Variants in CAPN8 observed in about 807,000 individuals in gnomAD.
CAPN8 encodes the protein calpain 8.
A neutral mutation model predicts 80.9 loss-of-function variants in CAPN8; 87 were observed. That is an observed-to-expected ratio of 1.07 (90% CI 0.90 to 1.28). CAPN8 has a LOEUF of 1.28. CAPN8 is among the 50% of genes most tolerant of loss of function. The pLI, the probability that CAPN8 is intolerant of heterozygous loss-of-function variation, is 0.00. For missense variants in CAPN8, 757 were observed against 702.0 expected, an observed-to-expected ratio of 1.08 and a Z score of -0.89; for synonymous variants, 299 against 273.8, an observed-to-expected ratio of 1.09 and a Z score of -0.91.
chr1:223,638,507 C>T (rs561650552), intron 2 of CAPN8, among the ~76,000 whole-genome samples: 279 of 152,256 alleles, frequency 1.8e-3, no homozygotes, highest in African/African-American at 6.4e-3. Context: ...AATGTTCCCC[C>T]GTGGGTAAGC....
At chr1:223,616,588 G>C (rs189594861) in intron 9 of CAPN8, among the ~76,000 whole-genome samples, 39 of 152,336 alleles carry the variant, frequency 2.6e-4, no homozygotes, top group Admixed American at 1.4e-3. Context: ...CAGGACAGTA[G>C]AGGAGAAAGT....
intron 2 of CAPN8, among the ~76,000 whole-genome samples, chr1:223,645,534 G>A (rs1046602986): frequency 2.0e-5 from 3 of 152,200 alleles, no homozygotes; most frequent in Non-Finnish European, 4.4e-5. Flanking sequence ...GAGGAAATAC[G>A]AGCCTAAGCC....
intron 14 of CAPN8, 95 bp downstream of exon 14, chr1:223,553,737 T>G: frequency 2.5e-6 from 1 of 398,284 alleles, no homozygotes. Flanking sequence ...ACCCTTTTTA[T>G]GCCTAGAGAC....
chr1:223,552,675 A>G (rs1656824544), intron 14 of CAPN8, among the ~76,000 whole-genome samples: 1 of 151,470 alleles, frequency 6.6e-6, no homozygotes, highest in Non-Finnish European at 1.5e-5. Flanking sequence ...CTACATTTGG[A>G]CCTTGACCCC....
Position 223,665,597 on chromosome 1 carries a change from C to A in CAPN8, c.50G>T (p.Gly17Val), listed in dbSNP as rs1658766427. ...GVSRQRAATQGLGSNQNALKY... is the reference protein window; with the variant it reads ...GVSRQRAATQVLGSNQNALKY... ...CAAAGCGTTTTGGTTGGAGCCAAGA[C>A]CTTGAGTGGCTGCCCGCTGCCTAGA... The change falls in exon 1 of 21, where the codon GGT (glycine) becomes GTT (valine). Residue 17 changes from glycine (G) to valine (V), a missense_variant. By Grantham distance (109) the Gly-to-Val change is moderately radical. Transcript: ENST00000366872. 1 of 1,551,552 alleles carries A rather than the reference C, an allele frequency of 6.4e-7. No homozygotes were observed. The highest frequency in any genetic ancestry group is 2.0e-5 in the Admixed American group (1 of 50,982).
Position 223,544,756 on chromosome 1 carries a change from C to A in CAPN8, c.1912+16G>T. ...CACCTGGATCCCAAGACCCTGTCTA[C>A]AGGATGTGTCCTCACCTGCCTTCCT... On this transcript the variant is annotated intron_variant, in intron 18 of 20. Transcript: ENST00000366872. The A allele has an allele frequency of 6.4e-7, 1 of 1,551,646 alleles. No homozygotes were observed.
At chr1:223,630,806 C>T (rs1205347509) in intron 2 of CAPN8, among the ~76,000 whole-genome samples, 1 of 152,148 alleles carries the variant, frequency 6.6e-6, no homozygotes, top group East Asian at 1.9e-4. Context: ...GATGGGCTGG[C>T]ATGAGTTATG....
intron 11 of CAPN8, among the ~76,000 whole-genome samples, chr1:223,612,004 G>C (rs1391809199): frequency 3.9e-5 from 6 of 152,212 alleles, no homozygotes; most frequent in African/African-American, 1.4e-4. Context: ...ACCACCAGGG[G>C]CATGGGGAAA....
chr1:223,642,765 T>C (rs1238232652), intron 2 of CAPN8: 4 of 454,260 alleles, frequency 8.8e-6, no homozygotes, highest in Non-Finnish European at 8.8e-6. Flanking sequence ...AGAAACTTGT[T>C]CAGATTATTT....
chr1:223,613,497 C>T (rs1438123361), intron 10 of CAPN8, among the ~76,000 whole-genome samples: 5 of 152,212 alleles, frequency 3.3e-5, no homozygotes, highest in Non-Finnish European at 7.3e-5. Context: ...CCAAGAATCA[C>T]CCAGCAGAAA....
intron 9 of CAPN8, among the ~76,000 whole-genome samples, chr1:223,618,640 G>A (rs947930632): frequency 6.6e-6 from 1 of 152,248 alleles, no homozygotes; most frequent in African/African-American, 2.4e-5. Context: ...GGGAGGAAGG[G>A]GCAAAAGCCC....
At chr1:223,642,120 G>T (rs937748987) in intron 2 of CAPN8, among the ~76,000 whole-genome samples, 3 of 152,172 alleles carry the variant, frequency 2.0e-5, no homozygotes, top group Admixed American at 6.5e-5. Context: ...TCAATCCAGG[G>T]CATGACAGAT....
intron 6 of CAPN8, among the ~76,000 whole-genome samples, chr1:223,623,402 G>T (rs983258019): frequency 2.0e-5 from 3 of 152,186 alleles, no homozygotes; most frequent in Admixed American, 6.5e-5. Flanking sequence ...GAGACTTAAA[G>T]AAGTTACATT....
At chr1:223,622,525 CGTCAGGTAAA>C in intron 7 of CAPN8, 1 of 450,152 alleles carries the variant, frequency 2.2e-6, no homozygotes. Context: ...CAGCACGGTG[CGTCAGGTAAA>C]AAACACAAAA....
In CAPN8 at chr1:223,623,017, C is replaced by T; in HGVS notation, c.814-117G>A. On this transcript the variant is annotated intron_variant, in intron 6 of 20. Transcript: ENST00000366872. ...TTTCAAATGTCCCTAAAGGACCACA[C>T]TTTTATTTTCCTTTAATGCATCTTT... 4.0e-6 allele frequency: 3 copies of T among 749,336 alleles called. No homozygotes were observed. The South Asian group carries it at 5.5e-5, about 14-fold the overall frequency. 46.4% of individuals were successfully genotyped at this position (749,336 alleles called of 1,614,324 possible).
chr1:223,622,711 G>A (rs965800791), intron 7 of CAPN8, 104 bp downstream of exon 7: 15 of 858,398 alleles, frequency 1.7e-5, no homozygotes, highest in African/African-American at 1.2e-4. Flanking sequence ...CAGACAGGAC[G>A]TGCTGCTGAA....
intron 2 of CAPN8, chr1:223,629,027 T>A (rs538860163): frequency 2.0e-5 from 10 of 490,764 alleles, no homozygotes; most frequent in Non-Finnish European, 3.6e-5. Context: ...CACATGCTGA[T>A]CATTTCCCCA....
At chr1:223,612,116 G>T in intron 11 of CAPN8, 130 bp downstream of exon 11, 1 of 748,026 alleles carries the variant, frequency 1.3e-6, no homozygotes, top group Non-Finnish European at 1.8e-6. Flanking sequence ...TTTGATTCAT[G>T]ACTGGATCAT....
At chr1:223,613,646 G>T (rs750142608) in intron 10 of CAPN8, among the ~76,000 whole-genome samples, 4 of 152,358 alleles carry the variant, frequency 2.6e-5, no homozygotes, top group South Asian at 2.1e-4. Flanking sequence ...CAAATGACAG[G>T]CTGGCCTGGC....
Sources: allele counts gnomAD v4.1 joint callset (sites outside exome capture counted in the v4.1 genomes callset), GRCh38; gene constraint gnomAD v4.1.1; transcripts MANE v1.5; gene names NCBI Gene and HGNC (gene_info 2026-07-23, HGNC 2026-07-21).